Variants in IL18 observed in about 807,000 individuals in gnomAD.
IL18 encodes the protein interleukin 18, also known as interleukin-18.
A neutral mutation model predicts 14.2 loss-of-function variants in IL18; 8 were observed. That is an observed-to-expected ratio of 0.56 (90% CI 0.33 to 1.01). The LOEUF (loss-of-function observed/expected upper bound fraction) is 1.01. IL18 is among the 50% of genes least tolerant of loss of function. The pLI is 0.03. For missense variants in IL18, 166 were observed against 231.1 expected (o/e 0.72, Z 1.83); for synonymous variants, 67 against 71.0 (o/e 0.94, Z 0.28).
chr11:112,147,382 C>T (rs763155815), intron 5 of IL18, among the ~76,000 whole-genome samples: 3 of 152,228 alleles, frequency 2.0e-5, no homozygotes, highest in Non-Finnish European at 2.9e-5. Flanking sequence ...CCTGTAGGTT[C>T]GGACTTATCC....
intron 4 of IL18, among the ~76,000 whole-genome samples, chr11:112,149,758 T>G (rs938467550): frequency 1.3e-5 from 2 of 151,820 alleles, no homozygotes; most frequent in African/African-American, 4.8e-5. Context: ...ACTATCAGCA[T>G]TTTCAGCTGT....
chr11:112,162,844 G>A (rs12290658), intron 1 of IL18, among the ~76,000 whole-genome samples: 5,365 of 152,204 alleles, frequency 0.035, 351 homozygotes, highest in African/African-American at 0.12. Context: ...AGAAAGTCTC[G>A]CTCTGTTTAG....
chr11:112,161,958 T>C (rs1239280061), intron 1 of IL18, among the ~76,000 whole-genome samples: 1 of 152,212 alleles, frequency 6.6e-6, no homozygotes, highest in Non-Finnish European at 1.5e-5. Flanking sequence ...ATTAATTACC[T>C]GAGATCAGGT....
chr11:112,151,197 G>A (rs1353489169), intron 3 of IL18: 1 of 152,100 alleles, frequency 6.6e-6, no homozygotes, highest in African/African-American at 2.4e-5. Flanking sequence ...AATAAAAAGG[G>A]CAAAGATATG....
At position 112,153,792 on chromosome 11, in the gene IL18, A is replaced by C. The variant is rs555079588; in HGVS notation, c.80-189T>G. Among the ~76,000 whole-genome samples, 3 of 152,336 alleles carry C rather than the reference A, an allele frequency of 2.0e-5. No homozygotes were observed. In the East Asian group the frequency reaches 5.8e-4, roughly 29 times the overall value. On this transcript the variant is annotated intron_variant, in intron 2 of 5. Coordinates refer to ENST00000280357, the MANE Select transcript of IL18 (RefSeq NM_001562.4). ...CCAAAAGGCCCATAAAATGAAGCTTATCAGACTTAGTGTGTTCTCAGGTAA... is the reference window on the plus strand; with the variant it reads ...CCAAAAGGCCCATAAAATGAAGCTTCTCAGACTTAGTGTGTTCTCAGGTAA...
intron 4 of IL18, among the ~76,000 whole-genome samples, chr11:112,149,529 C>T (rs567418196): frequency 6.8e-6 from 1 of 146,292 alleles, no homozygotes; most frequent in South Asian, 2.2e-4. Context: ...TTGGAAGGCA[C>T]AGTAGACTTG....
At chr11:112,149,951 T>C (rs1243094446) in intron 4 of IL18, 121 bp downstream of exon 4, 2 of 936,100 alleles carry the variant, frequency 2.1e-6, no homozygotes, top group African/African-American at 1.7e-5. Context: ...GTAAGTGAAA[T>C]TATTGTCACT....
At chr11:112,157,208 G>C (rs1453872848) in intron 1 of IL18, among the ~76,000 whole-genome samples, 31 of 152,150 alleles carry the variant, frequency 2.0e-4, no homozygotes, top group Non-Finnish European at 1.5e-5. Flanking sequence ...TTAGTTATCA[G>C]TTGGTGAAAT....
chr11:112,148,318 T>C (rs1866376426), intron 5 of IL18, among the ~76,000 whole-genome samples: 1 of 152,226 alleles, frequency 6.6e-6, no homozygotes, highest in Non-Finnish European at 1.5e-5. Flanking sequence ...AGACTGATTG[T>C]TCAGGAGATG....
intron 1 of IL18, 85 bp from the exon 2 acceptor site, chr11:112,155,146 A>G (rs1188400482): frequency 1.3e-6 from 1 of 744,148 alleles, no homozygotes; most frequent in Non-Finnish European, 2.3e-6. Context: ...TTCAGTGGTC[A>G]GTTAATCACC....
intron 2 of IL18, 138 bp from the exon 3 acceptor site, chr11:112,153,741 C>T (rs1270967689): frequency 3.8e-6 from 2 of 522,758 alleles, no homozygotes; most frequent in East Asian, 3.0e-5. Flanking sequence ...TCTGTCTTGG[C>T]TTTCATCAGA....
intron 3 of IL18, chr11:112,153,345 A>G (rs1866479992): frequency 2.7e-6 from 1 of 372,194 alleles, no homozygotes; most frequent in Non-Finnish European, 4.9e-6. Flanking sequence ...GGCAAAGTCT[A>G]TTTTGTAGAT....
At chr11:112,161,438 T>A (rs1159442815) in intron 1 of IL18, among the ~76,000 whole-genome samples, 4 of 152,220 alleles carry the variant, frequency 2.6e-5, no homozygotes, top group African/African-American at 9.6e-5. Flanking sequence ...TTCATAATTC[T>A]AAGACAGTAA....
chr11:112,163,183 T>C (rs1330319351), intron 1 of IL18, among the ~76,000 whole-genome samples: 11 of 152,224 alleles, frequency 7.2e-5, no homozygotes, highest in Non-Finnish European at 1.2e-4. Flanking sequence ...CTTTCCTTAA[T>C]TGTGAAAGAA....
intron 5 of IL18, among the ~76,000 whole-genome samples, chr11:112,144,215 CTT>C (rs1866297094): frequency 6.6e-6 from 1 of 152,170 alleles, no homozygotes; most frequent in Admixed American, 6.6e-5. Flanking sequence ...CTCCCACAAA[CTT>C]AGGCTAGTTC....
At chr11:112,162,912 A>C (rs188243832) in intron 1 of IL18, among the ~76,000 whole-genome samples, 76 of 152,254 alleles carry the variant, frequency 5.0e-4, no homozygotes, top group African/African-American at 1.8e-3. Context: ...CAGCATCCTG[A>C]GTAGTTCTAC....
chr11:112,146,628 G>T (rs1852147222), intron 5 of IL18, among the ~76,000 whole-genome samples: 2 of 151,866 alleles, frequency 1.3e-5, no homozygotes, highest in Admixed American at 1.3e-4. Context: ...CTGGCCTGTT[G>T]TATCTTATTA....
In IL18 at chr11:112,155,011, C is replaced by A; in HGVS notation, c.43G>T (p.Ala15Ser). The A allele has an allele frequency of 6.2e-7, 1 of 1,612,742 alleles. No individual in the cohort carries two copies. The highest frequency in any genetic ancestry group is 8.5e-7 in the Non-Finnish European group (1 of 1,178,870). ...PVEDNCINFV[A>S]MKFIDNTLYF... is the part of the protein sequence containing the mutation. The stretch of plus-strand genomic sequence containing the variant: ...AGCGTATTGTCAATAAATTTCATTG[C>A]CACAAAGTTGATGCAATTGTCTTCT... Residue 15 changes from alanine to serine, a missense_variant, in exon 2 of 6, where the codon GCA becomes TCA. Ala to Ser is a moderately conservative substitution (Grantham distance 99). Coordinates refer to ENST00000280357, the MANE Select transcript of IL18 (RefSeq NM_001562.4).
At chr11:112,160,802 T>C (rs1246367742) in intron 1 of IL18, among the ~76,000 whole-genome samples, 2 of 152,224 alleles carry the variant, frequency 1.3e-5, no homozygotes, top group Non-Finnish European at 2.9e-5. Context: ...ATTTTTCTAA[T>C]GTCTTCTCCA....
Sources: allele counts gnomAD v4.1 joint callset (sites outside exome capture counted in the v4.1 genomes callset), GRCh38; gene constraint gnomAD v4.1.1; transcripts MANE v1.5; gene names NCBI Gene and HGNC (gene_info 2026-07-23, HGNC 2026-07-21).